COL4A2: variants seen among roughly 807,000 people sequenced by gnomAD.
COL4A2 encodes collagen alpha-2(IV) chain.
Under a neutral mutation model 200.2 loss-of-function variants are expected in COL4A2, and 99 were observed. The ratio of observed to expected loss-of-function variants is 0.49; its 90% confidence interval spans 0.42 to 0.58. COL4A2 has a LOEUF of 0.58. Ranked by LOEUF, COL4A2 falls within the 20% of genes least tolerant of loss-of-function variation. COL4A2 has a pLI of 0.00. For missense variants in COL4A2, 1,950 were observed against 2,314.1 expected (o/e 0.84, Z 3.23); for synonymous variants, 897 against 900.6 (o/e 1.00, Z 0.07).
At chr13:110,503,768 T>A in intron 43 of COL4A2, 79 bp from the exon 44 acceptor site, 1 of 1,545,046 alleles carries the variant, frequency 6.5e-7, no homozygotes, top group South Asian at 1.1e-5. Context: ...GCCTCCCTGG[T>A]GAGAAACGCA....
rs1681365873 is a variant in COL4A2 at position 110,506,542 on chromosome 13, ACT to A, written c.4533_4534del (p.Trp1512GlufsTer41). ...EPMCPVGMNK[L>X]WSGYSLLYFE... is the part of the protein sequence containing the mutation. The stretch of plus-strand genomic sequence containing the variant: ...CCATGTGCCCAGTGGGCATGAACAA[ACT>A]CTGGAGTGGATACAGCCTGCTGTAC... On this transcript the variant is annotated frameshift_variant, in exon 46 of 48. Transcript: ENST00000360467. LOFTEE classifies it high-confidence loss of function. The A allele has an allele frequency of 1.2e-6, 2 of 1,612,988 alleles. No homozygotes were observed. Among genetic ancestry groups the A allele is most frequent in the Non-Finnish European group, 1.7e-6 (2 of 1,179,746 alleles).
intron 6 of COL4A2, among the ~76,000 whole-genome samples, chr13:110,426,897 G>T (rs1198113110): frequency 6.6e-6 from 1 of 150,692 alleles, no homozygotes; most frequent in Admixed American, 6.6e-5. Context: ...TTATTTGAAA[G>T]GCCACTAGAG....
intron 46 of COL4A2, among the ~76,000 whole-genome samples, chr13:110,506,897 GACC>G (rs1359945593): frequency 6.6e-6 from 1 of 152,120 alleles, no homozygotes; most frequent in African/African-American, 2.4e-5. Flanking sequence ...CTCCAGTGGA[GACC>G]ACCAATTACT....
intron 34 of COL4A2, among the ~76,000 whole-genome samples, chr13:110,489,014 G>A (rs1027236032): frequency 6.6e-6 from 1 of 152,154 alleles, no homozygotes; most frequent in South Asian, 2.1e-4. Flanking sequence ...AGAATCACTT[G>A]AACCCAGGAG....
At chr13:110,493,820 G>GA (rs915838609) in intron 39 of COL4A2, among the ~76,000 whole-genome samples, 1 of 30,906 alleles carries the variant, frequency 3.2e-5, no homozygotes, top group Non-Finnish European at 1.0e-4. Context: ...GTCGGGTTCT[G>GA]GGGGGGGCCG....
In COL4A2 at chr13:110,482,127, C is replaced by T. The variant is rs139127281; in HGVS notation, c.2759-389C>T. Among the ~76,000 whole-genome samples, 46 of 152,388 alleles carry T rather than the reference C, an allele frequency of 3.0e-4. No individual in the cohort carries two copies. The East Asian group carries it at 7.9e-3, about 26-fold the overall frequency. Reference sequence around the variant, plus strand: ...CTGGCGACATTGGTCTGACTTTCTGCGGTCCTGTGTCGCATCTCCATGCCA... The same window carrying T: ...CTGGCGACATTGGTCTGACTTTCTGTGGTCCTGTGTCGCATCTCCATGCCA... On this transcript the variant is annotated intron_variant, in intron 31 of 47. Transcript: ENST00000360467.
At chr13:110,373,658 A>G (rs867023487) in intron 4 of COL4A2, among the ~76,000 whole-genome samples, 4 of 152,248 alleles carry the variant, frequency 2.6e-5, no homozygotes, top group Admixed American at 1.3e-4. Context: ...TTGGTTGTGC[A>G]CATGAGAGAT....
rs759828986 is a variant in COL4A2, at chr13:110,512,041, C to T, written c.4989C>T (p.Gly1663=). 3 of 1,613,696 alleles carry T rather than the reference C, an allele frequency of 1.9e-6. No individual in the cohort carries two copies. Among genetic ancestry groups the T allele is most frequent in the Admixed American group, 1.7e-5 (1 of 60,030 alleles). The change falls in exon 48 of 48, where the codon GGC becomes GGT. Residue 1663 remains glycine (G), a synonymous_variant. Transcript: ENST00000360467. ...TCATCGAATGCAATGGAGGCCGCGGCACCTGCCACTACTACGCCAACAAGT... is the reference window on the plus strand; with the variant it reads ...TCATCGAATGCAATGGAGGCCGCGGTACCTGCCACTACTACGCCAACAAGT... ...TPFIECNGGR[G]TCHYYANKYS... is the part of the protein sequence containing the mutation.
In COL4A2 at chr13:110,450,393, A is replaced by T; in HGVS notation, c.1278A>T (p.Gly426=). 1.9e-6 allele frequency: 3 copies of T among 1,614,020 alleles called. No individual in the cohort carries two copies. The highest frequency in any genetic ancestry group is 2.5e-6 in the Non-Finnish European group (3 of 1,180,000). The change falls in exon 20 of 48, where the codon GGA becomes GGT. Residue 426 remains glycine, a synonymous_variant. Coordinates refer to ENST00000360467, the MANE Select transcript of COL4A2 (RefSeq NM_001846.4). ...CTGCGCTCTACGGGGGCCCACCTGG[A>T]CCTGATGGAAAGCGAGGGCCTCCAG... ...GIPALYGGPP[G]PDGKRGPPGP...
At chr13:110,414,346 T>C (rs1309423473) in intron 4 of COL4A2, among the ~76,000 whole-genome samples, 1 of 151,750 alleles carries the variant, frequency 6.6e-6, no homozygotes, top group Non-Finnish European at 1.5e-5. Flanking sequence ...AAAAGAAAAA[T>C]ACATATATAA....
At chr13:110,436,990 C>T (rs902396755) in intron 13 of COL4A2, among the ~76,000 whole-genome samples, 5 of 152,172 alleles carry the variant, frequency 3.3e-5, no homozygotes, top group Non-Finnish European at 7.3e-5. Flanking sequence ...CTGGAGCTGA[C>T]GAGGAGGTTG....
intron 4 of COL4A2, among the ~76,000 whole-genome samples, chr13:110,365,853 G>A (rs1424166256): frequency 6.6e-6 from 1 of 152,204 alleles, no homozygotes; most frequent in East Asian, 1.9e-4. Context: ...TTCTTAGGAT[G>A]GAGGACATGA....
intron 29 of COL4A2, chr13:110,473,642 G>A (rs1046517386): frequency 6.6e-6 from 1 of 152,510 alleles, no homozygotes; most frequent in East Asian, 1.9e-4. Context: ...AAAGTAGACA[G>A]AGCATCCCTG....
chr13:110,357,846 G>C (rs1877351721), intron 4 of COL4A2, among the ~76,000 whole-genome samples: 1 of 152,176 alleles, frequency 6.6e-6, no homozygotes, highest in Admixed American at 6.5e-5. Flanking sequence ...TGTAAAATGG[G>C]ACTCCTGTGT....
At chr13:110,497,333 G>T (rs1249564332) in intron 40 of COL4A2, among the ~76,000 whole-genome samples, 2 of 148,768 alleles carry the variant, frequency 1.3e-5, no homozygotes. Flanking sequence ...ATCTAGGTCA[G>T]TACACCAGCA....
At chr13:110,487,955 T>G (rs1883165219) in intron 34 of COL4A2, among the ~76,000 whole-genome samples, 1 of 152,186 alleles carries the variant, frequency 6.6e-6, no homozygotes, top group South Asian at 2.1e-4. Flanking sequence ...GAAAGAAAAA[T>G]AGAGCATTAC....
At chr13:110,366,542 G>A (rs1877759806) in intron 4 of COL4A2, among the ~76,000 whole-genome samples, 1 of 152,158 alleles carries the variant, frequency 6.6e-6, no homozygotes, top group South Asian at 2.1e-4. Context: ...TAAAATAATA[G>A]CCAAGGGGAG....
chr13:110,431,277 C>T (rs912857256), intron 10 of COL4A2, among the ~76,000 whole-genome samples: 1 of 152,140 alleles, frequency 6.6e-6, no homozygotes, highest in Non-Finnish European at 1.5e-5. Context: ...GATCTTCTCA[C>T]AGGAAGCCAT....
At chr13:110,501,161 T>G (rs1357588264) in intron 40 of COL4A2, among the ~76,000 whole-genome samples, 2 of 152,176 alleles carry the variant, frequency 1.3e-5, no homozygotes, top group Non-Finnish European at 2.9e-5. Context: ...ACACAGAATC[T>G]GTGAATAATG....
Sources: gnomAD v4.1 joint callset for allele counts (sites outside exome capture counted in the v4.1 genomes callset) on GRCh38, gnomAD v4.1.1 for gene constraint, MANE v1.5 for transcripts, NCBI Gene and HGNC (gene_info 2026-07-23, HGNC 2026-07-21) for gene names.